PTPRS: variants seen among roughly 807,000 people sequenced by gnomAD.
PTPRS encodes the protein protein tyrosine phosphatase receptor type S.
In PTPRS, 63 loss-of-function variants were observed where a neutral mutation model predicts 215.3. The ratio of observed to expected loss-of-function variants is 0.29; its 90% confidence interval spans 0.24 to 0.36. The LOEUF (loss-of-function observed/expected upper bound fraction) is 0.36, where lower values mean the gene tolerates loss of function less well. Ranked by LOEUF, PTPRS falls within the 10% of genes least tolerant of loss-of-function variation. The pLI is 1.00. For synonymous variants in PTPRS, 1,404 were observed against 1,191.4 expected, an observed-to-expected ratio of 1.18 and a Z score of -3.68; for missense variants, 2,258 against 2,825.8, an observed-to-expected ratio of 0.80 and a Z score of 4.56.
intron 15 of PTPRS, 24 bp downstream of exon 15, chr19:5,229,467 G>C: frequency 7.2e-7 from 1 of 1,393,198 alleles, no homozygotes; most frequent in African/African-American, 1.5e-5. Context: ...CCCGTCCCCG[G>C]CCCCGCCCCG....
At chr19:5,311,276 C>T (rs1458133839) in intron 1 of PTPRS, among the ~76,000 whole-genome samples, 1 of 152,144 alleles carries the variant, frequency 6.6e-6, no homozygotes, top group Admixed American at 6.5e-5. Flanking sequence ...TCCTAAAGTG[C>T]TGGGATTATA....
rs2042161531 is a variant in PTPRS at position 5,223,169 on chromosome 19, A to C, written c.2623T>G (p.Ser875Ala). 6.4e-7 allele frequency: 1 copy of C among 1,566,740 alleles called. No homozygotes were observed. Among genetic ancestry groups the C allele is most frequent in the Non-Finnish European group, 8.6e-7 (1 of 1,156,532 alleles). Residue 875 changes from serine to alanine, a missense_variant, in exon 18 of 38, where the codon TCG becomes GCG. Ser to Ala is a moderately conservative substitution (Grantham distance 99). This residue lies in a region of PTPRS where 361 missense variants were observed against 332.6 expected (regional missense o/e 1.09). Transcript: ENST00000262963. Reference protein sequence around the residue: ...GYRLQFGREDSTPLATLEFPP... With the variant: ...GYRLQFGREDATPLATLEFPP... ...AACTCCAGGGTGGCCAGGGGCGTCG[A>C]GTCCTCACGGCCAAACTGCAGGCGG...
chr19:5,334,545 T>C (rs1008994052), intron 1 of PTPRS, among the ~76,000 whole-genome samples: 2 of 152,170 alleles, frequency 1.3e-5, no homozygotes, highest in African/African-American at 4.8e-5. Flanking sequence ...GAGCCGGGAT[T>C]TGAACCCCAT....
chr19:5,313,535 C>T (rs756439609), intron 1 of PTPRS, among the ~76,000 whole-genome samples: 3 of 152,164 alleles, frequency 2.0e-5, no homozygotes, highest in South Asian at 2.1e-4. Context: ...CAGGCCTGGC[C>T]GGGGCCGACG....
At position 5,244,280 on chromosome 19, in the gene PTPRS, C is replaced by T; in HGVS notation, c.1191G>A (p.Glu397=). ...YSIGGLSPNS[E]YEIWVSAVNS... is the part of the protein sequence containing the mutation. Reference sequence around the variant, plus strand: ...TGACGGCCGACACCCAGATCTCGTACTCCGAGTTGGGGCTCAGGCCGCCGA... The same window carrying T: ...TGACGGCCGACACCCAGATCTCGTATTCCGAGTTGGGGCTCAGGCCGCCGA... The change falls in exon 11 of 38, where the codon GAG becomes GAA. Residue 397 remains glutamate, a synonymous_variant. Transcript: ENST00000262963. This position sits in a 1 kb window ranked among gnomAD's most constrained non-coding sequence, Gnocchi z 7.2. The T allele has an allele frequency of 1.2e-6, 2 of 1,614,230 alleles. No homozygotes were observed. The highest frequency in any genetic ancestry group is 1.7e-6 in the Non-Finnish European group (2 of 1,180,034).
In PTPRS at chr19:5,210,025, C is replaced by T. The variant is rs1475058725; in HGVS notation, c.5487+444G>A. On this transcript the variant is annotated intron_variant, in intron 35 of 37. Transcript: ENST00000262963. This position sits in a 1 kb window ranked among gnomAD's most constrained non-coding sequence, Gnocchi z 4.5. ...ACCTAATACCTGGCCTTTCTCCCTC[C>T]ACCTGACACTGCAGTCCTTCATTGA... 6.6e-6 allele frequency among the ~76,000 whole-genome samples: 1 copy of T among 152,188 alleles called. No homozygotes were observed. The highest frequency in any genetic ancestry group is 1.9e-4 in the East Asian group (1 of 5,202).
In PTPRS at chr19:5,206,157, G is replaced by A. The variant is rs1195756239; in HGVS notation, c.*617C>T. Among the ~76,000 whole-genome samples, 1 of 149,852 alleles carries A rather than the reference G, an allele frequency of 6.7e-6. No homozygotes were observed. The highest frequency in any genetic ancestry group is 1.5e-5 in the Non-Finnish European group (1 of 67,766). ...ATCACACAAGGACGCTTTCTACAGTGAAAAAATAGACTGTCTTTGAACAGA... is the reference window on the plus strand; with the variant it reads ...ATCACACAAGGACGCTTTCTACAGTAAAAAAATAGACTGTCTTTGAACAGA... On this transcript the variant is annotated 3_prime_UTR_variant, in exon 38 of 38. Transcript: ENST00000262963.
intron 1 of PTPRS, among the ~76,000 whole-genome samples, chr19:5,326,285 G>A (rs1392127558): frequency 6.6e-6 from 1 of 151,998 alleles, no homozygotes; most frequent in African/African-American, 2.4e-5. Context: ...TCTGTGCTGG[G>A]CTTAAGGCTA....
intron 4 of PTPRS, among the ~76,000 whole-genome samples, chr19:5,270,673 T>C (rs1206851611): frequency 1.3e-5 from 2 of 152,128 alleles, no homozygotes; most frequent in Non-Finnish European, 2.9e-5. Flanking sequence ...AGTCTCCCTG[T>C]GTCACCCAGG....
chr19:5,233,790 C>G (rs1568437536), intron 13 of PTPRS, among the ~76,000 whole-genome samples: 1 of 150,972 alleles, frequency 6.6e-6, no homozygotes, highest in Admixed American at 6.6e-5. Flanking sequence ...CTACAAGATA[C>G]AAAAAACTAG....
chr19:5,298,780 G>A (rs1434129223), intron 1 of PTPRS, among the ~76,000 whole-genome samples: 1 of 152,152 alleles, frequency 6.6e-6, no homozygotes, highest in African/African-American at 2.4e-5. Flanking sequence ...CCCCTTCCTG[G>A]AAAATGTGTG....
At chr19:5,232,474 T>A (rs1232930811) in intron 13 of PTPRS, among the ~76,000 whole-genome samples, 1 of 151,938 alleles carries the variant, frequency 6.6e-6, no homozygotes, top group African/African-American at 2.4e-5. Context: ...CCAGGCACCA[T>A]GCCAAGGGGA....
intron 1 of PTPRS, among the ~76,000 whole-genome samples, chr19:5,299,722 A>C (rs919259373): frequency 6.6e-6 from 1 of 152,064 alleles, no homozygotes. Flanking sequence ...AAATACAAAA[A>C]TTAGCCGGGC....
rs1395551363 is a variant in PTPRS at position 5,287,864 on chromosome 19, A to G, written c.-94-1630T>C. On this transcript the variant is annotated intron_variant, in intron 1 of 37. Coordinates refer to ENST00000262963, the MANE Select transcript of PTPRS (RefSeq NM_002850.4). The surrounding 1 kb of genome is among the most constrained non-coding windows in gnomAD (Gnocchi z 4.8). ...GACATACACAGATGCACACAGTCAA[A>G]CCACCGATACACACCGACACACAGT... Among the ~76,000 whole-genome samples the G allele has an allele frequency of 1.3e-5, 2 of 152,018 alleles. No individual in the cohort carries two copies. Among genetic ancestry groups the G allele is most frequent in the Non-Finnish European group, 2.9e-5 (2 of 67,988 alleles).
intron 12 of PTPRS, among the ~76,000 whole-genome samples, chr19:5,239,460 G>GAGAGAC (rs1349722980): frequency 6.6e-6 from 1 of 151,594 alleles, no homozygotes; most frequent in Admixed American, 6.6e-5. Flanking sequence ...AGATAAATGG[G>GAGAGAC]AGAGACAGAG....
chr19:5,207,793 T>C, intron 37 of PTPRS, 129 bp downstream of exon 37: 1 of 1,375,150 alleles, frequency 7.3e-7, no homozygotes, highest in Non-Finnish European at 9.9e-7. Context: ...GAGGGGTCTG[T>C]GGACCGTCTA....
chr19:5,275,502 T>C (rs960030365), intron 2 of PTPRS, among the ~76,000 whole-genome samples: 3 of 147,496 alleles, frequency 2.0e-5, no homozygotes, highest in Non-Finnish European at 4.5e-5. Flanking sequence ...TCCTCCCACC[T>C]TGGCCTCCCA....
At chr19:5,309,046 C>T (rs2049601673) in intron 1 of PTPRS, among the ~76,000 whole-genome samples, 1 of 152,128 alleles carries the variant, frequency 6.6e-6, no homozygotes, top group Admixed American at 6.5e-5. Flanking sequence ...AGGCCCTGGG[C>T]TCAGAGTGTG....
intron 13 of PTPRS, among the ~76,000 whole-genome samples, chr19:5,236,265 A>G (rs1352035285): frequency 6.6e-6 from 1 of 152,196 alleles, no homozygotes; most frequent in Non-Finnish European, 1.5e-5. Flanking sequence ...TTTACAGGTG[A>G]GCCCATTTTA....
Sources: allele counts gnomAD v4.1 joint callset (sites outside exome capture counted in the v4.1 genomes callset), GRCh38; gene constraint gnomAD v4.1.1; regional missense constraint gnomAD v4.1.1; non-coding constraint Gnocchi (gnomAD v3.1); transcripts MANE v1.5; gene names NCBI Gene and HGNC (gene_info 2026-07-23, HGNC 2026-07-21).